The following UBR1 variants were observed in gnomAD, a reference collection of about 807,000 sequenced individuals.
UBR1 encodes the protein E3 ubiquitin-protein ligase UBR1.
In UBR1, 102 loss-of-function variants were observed where a neutral mutation model predicts 242.1. That is an observed-to-expected ratio of 0.42 (90% confidence interval 0.36 to 0.50). The LOEUF (loss-of-function observed/expected upper bound fraction) is 0.50. Ranked by LOEUF, UBR1 falls within the 20% of genes least tolerant of loss-of-function variation. UBR1 has a pLI of 0.01. For missense variants in UBR1, 1,772 were observed against 2,101.8 expected (o/e 0.84, Z 3.07); for synonymous variants, 675 against 684.8 (o/e 0.99, Z 0.22).
At chr15:42,958,118 A>G (rs752707428) in intron 43 of UBR1, 28 bp from the exon 44 acceptor site, 7 of 1,552,394 alleles carry the variant, frequency 4.5e-6, no homozygotes, top group Non-Finnish European at 5.3e-6. Context: ...AGGCAATTTT[A>G]TTTTAGAGTA....
chr15:43,036,737 T>A (rs904259713), intron 17 of UBR1, 144 bp from the exon 18 acceptor site: 3 of 621,824 alleles, frequency 4.8e-6, no homozygotes, highest in Non-Finnish European at 8.6e-6. Context: ...AATCTATGAA[T>A]CACTTAAAGG....
intron 6 of UBR1, among the ~76,000 whole-genome samples, chr15:43,066,787 T>A (rs1460903250): frequency 6.6e-6 from 1 of 152,114 alleles, no homozygotes; most frequent in Non-Finnish European, 1.5e-5. Context: ...ATTTGCATTG[T>A]TTTGTTTTAG....
chr15:42,952,055 C>A (rs1446889215), intron 45 of UBR1, among the ~76,000 whole-genome samples: 4 of 152,130 alleles, frequency 2.6e-5, no homozygotes, highest in African/African-American at 9.7e-5. Flanking sequence ...TTAATACAAA[C>A]TCTATCCTAT....
chr15:42,987,203 G>A (rs1053206125), intron 35 of UBR1, among the ~76,000 whole-genome samples: 11 of 152,210 alleles, frequency 7.2e-5, no homozygotes, highest in African/African-American at 2.4e-4. Flanking sequence ...GGGCAGAGCC[G>A]GGATGGGCCC....
At chr15:43,068,466 C>T (rs902637120) in intron 5 of UBR1, among the ~76,000 whole-genome samples, 4 of 152,092 alleles carry the variant, frequency 2.6e-5, no homozygotes, top group South Asian at 2.1e-4. Context: ...GGATTATAAG[C>T]GTGAGCCACT....
intron 16 of UBR1, 92 bp from the exon 17 acceptor site, chr15:43,037,975 T>C: frequency 3.7e-6 from 5 of 1,335,392 alleles, no homozygotes; most frequent in Non-Finnish European, 5.3e-6. Flanking sequence ...TTTTCTCACG[T>C]GAAAAATGGA....
intron 33 of UBR1, among the ~76,000 whole-genome samples, chr15:42,996,351 C>T (rs2032639019): frequency 6.6e-6 from 1 of 152,142 alleles, no homozygotes; most frequent in Non-Finnish European, 1.5e-5. Context: ...AATCCTGGTA[C>T]TCTGGGAGGC....
chr15:43,055,243 G>C (rs1238591656), intron 11 of UBR1, among the ~76,000 whole-genome samples: 1 of 152,114 alleles, frequency 6.6e-6, no homozygotes, highest in Non-Finnish European at 1.5e-5. Context: ...TCAGGAGTTC[G>C]AGACTATCCT....
intron 1 of UBR1, among the ~76,000 whole-genome samples, chr15:43,098,500 T>C (rs888450002): frequency 1.3e-5 from 2 of 152,206 alleles, no homozygotes; most frequent in Non-Finnish European, 2.9e-5. Flanking sequence ...AAATAAGGTA[T>C]GCCTGTATTT....
chr15:43,049,364 C>T (rs568666929), intron 12 of UBR1, among the ~76,000 whole-genome samples: 1 of 152,222 alleles, frequency 6.6e-6, no homozygotes, highest in East Asian at 1.9e-4. Context: ...GAGATTGAGA[C>T]CATCCTGGCT....
At chr15:43,036,493 A>T (rs1020447834) in intron 18 of UBR1, 35 bp downstream of exon 18, 2 of 1,464,062 alleles carry the variant, frequency 1.4e-6, no homozygotes, top group Non-Finnish European at 1.9e-6. Flanking sequence ...AAGGAAGATG[A>T]AGACACAAAT....
chr15:42,973,582 C>T (rs1485845733), intron 39 of UBR1, among the ~76,000 whole-genome samples: 1 of 150,318 alleles, frequency 6.7e-6, no homozygotes, highest in Non-Finnish European at 1.5e-5. Flanking sequence ...GCATAAACCA[C>T]AGCACCCGGC....
intron 12 of UBR1, among the ~76,000 whole-genome samples, chr15:43,050,199 T>C (rs2033537143): frequency 6.6e-6 from 1 of 152,112 alleles, no homozygotes; most frequent in East Asian, 1.9e-4. Context: ...TCCTCCTGCC[T>C]CAGCCTTCCA....
intron 40 of UBR1, among the ~76,000 whole-genome samples, chr15:42,968,107 G>A (rs2032142375): frequency 6.6e-6 from 1 of 151,948 alleles, no homozygotes; most frequent in African/African-American, 2.4e-5. Context: ...TGCATCAATT[G>A]TATGGATCAC....
intron 15 of UBR1, among the ~76,000 whole-genome samples, chr15:43,041,853 A>T (rs1479583583): frequency 6.6e-6 from 1 of 152,184 alleles, no homozygotes; most frequent in Non-Finnish European, 1.5e-5. Context: ...ACCAGATTAA[A>T]AAATGGGCAG....
At chr15:43,002,498 G>T (rs182919539) in intron 32 of UBR1, 57 bp downstream of exon 32, 1 of 1,577,758 alleles carries the variant, frequency 6.3e-7, no homozygotes, top group Non-Finnish European at 8.6e-7. Context: ...TGGGATCACA[G>T]GCCACTGCAC....
At chr15:43,027,963 A>G in intron 21 of UBR1, 135 bp from the exon 22 acceptor site, 1 of 800,970 alleles carries the variant, frequency 1.2e-6, no homozygotes, top group East Asian at 2.9e-5. Context: ...CCACTATTAA[A>G]AAATTAGGTC....
chr15:42,990,086 T>A lies in UBR1; in HGVS notation c.3792A>T (p.Gly1264=). The change falls in exon 34 of 47, where the codon GGA becomes GGT. Residue 1264 remains glycine, a synonymous_variant. Transcript: ENST00000290650. ...GGAACTCCAAAGTAGAATCTCCCAT[T>A]CCTTGATTAAAGAAAATAGGAATTG... is the stretch of plus-strand genomic sequence containing the variant. ...ENPIPIFFNQ[G]MGDSTLEFHS... is the part of the protein sequence containing the mutation. The A allele has an allele frequency of 6.2e-7, 1 of 1,606,344 alleles. No individual in the cohort carries two copies. The highest frequency in any genetic ancestry group is 8.5e-7 in the Non-Finnish European group (1 of 1,175,442).
intron 4 of UBR1, among the ~76,000 whole-genome samples, chr15:43,072,503 G>T (rs1001463847): frequency 6.6e-6 from 1 of 152,194 alleles, no homozygotes; most frequent in Non-Finnish European, 1.5e-5. Flanking sequence ...CCTTTCCAAC[G>T]TGGATGCCTT....
Sources: allele counts gnomAD v4.1 joint callset (sites outside exome capture counted in the v4.1 genomes callset), GRCh38; gene constraint gnomAD v4.1.1; transcripts MANE v1.5; gene names NCBI Gene and HGNC (gene_info 2026-07-23, HGNC 2026-07-21).